RET: variants seen among roughly 807,000 people sequenced by gnomAD.
The protein encoded by RET is ret proto-oncogene, also known as proto-oncogene tyrosine-protein kinase receptor Ret.
RET carries 19 observed loss-of-function variants against 118.3 expected under a neutral mutation model. The observed-to-expected ratio is 0.16, with a 90% CI of 0.11 to 0.24. The LOEUF (loss-of-function observed/expected upper bound fraction) is 0.24. RET is among the 10% of genes least tolerant of loss of function. The pLI is 1.00. For synonymous variants in RET, 597 were observed against 644.1 expected, an observed-to-expected ratio of 0.93 and a Z score of 1.11; for missense variants, 1,219 against 1,502.1, an observed-to-expected ratio of 0.81 and a Z score of 3.12.
intron 8 of RET, among the ~76,000 whole-genome samples, chr10:43,112,513 C>G (rs1313249083): frequency 6.6e-6 from 1 of 152,196 alleles, no homozygotes; most frequent in East Asian, 1.9e-4. Context: ...CTGGGAGGTC[C>G]TCGGCCAGGG....
rs1003057639 is a variant in RET at position 43,128,256 on chromosome 10, C to T, written c.3332C>T (p.Thr1111Met). Residue 1111 changes from threonine (T) to methionine (M), a missense_variant, in exon 20 of 20, where the codon ACG becomes ATG. Thr to Met is a moderately conservative substitution (Grantham distance 81). Around this residue, in one of 5 missense-constraint regions of RET, gnomAD observed 174 missense variants for 179.3 expected, o/e 0.97. Transcript: ENST00000355710. ...CCCTCAGCGGCAAAATTAATGGACA[C>T]GTTTGATAGTTAACATTTCTTTGTG... ...LSPSAAKLMD[T>M]FDS The T allele has an allele frequency of 3.1e-6, 5 of 1,613,972 alleles. No individual in the cohort carries two copies. The highest frequency in any genetic ancestry group is 1.3e-5 in the African/African-American group (1 of 74,890).
chr10:43,100,337 T>C (rs2132654012), intron 1 of RET, 122 bp from the exon 2 acceptor site: 1 of 1,148,712 alleles, frequency 8.7e-7, no homozygotes, highest in Non-Finnish European at 1.3e-6. Context: ...GTTCATGTTC[T>C]CAGGAACAGA....
intron 3 of RET, among the ~76,000 whole-genome samples, chr10:43,103,119 C>T (rs1417448492): frequency 6.6e-6 from 1 of 152,130 alleles, no homozygotes; most frequent in African/African-American, 2.4e-5. Flanking sequence ...CACTGAGCGA[C>T]AGGGAAGAGC....
intron 1 of RET, among the ~76,000 whole-genome samples, chr10:43,082,850 G>A (rs1010560298): frequency 6.6e-6 from 1 of 152,246 alleles, no homozygotes; most frequent in African/African-American, 2.4e-5. Context: ...GGACGAGGGT[G>A]GGTGAGCTGG....
At chr10:43,085,398 C>T (rs1422151773) in intron 1 of RET, among the ~76,000 whole-genome samples, 1 of 152,226 alleles carries the variant, frequency 6.6e-6, no homozygotes, top group Non-Finnish European at 1.5e-5. Context: ...AGGCCTTTGT[C>T]TTCTTGCCTC....
intron 1 of RET, among the ~76,000 whole-genome samples, chr10:43,097,048 G>C (rs916691685): frequency 6.6e-6 from 1 of 152,192 alleles, no homozygotes; most frequent in African/African-American, 2.4e-5. Flanking sequence ...AATCCCTTTT[G>C]GCAGCAGGGA....
intron 1 of RET, among the ~76,000 whole-genome samples, chr10:43,088,949 C>G (rs1376672774): frequency 3.9e-5 from 6 of 152,238 alleles, no homozygotes; most frequent in Non-Finnish European, 5.9e-5. Flanking sequence ...TGGCTCTGCC[C>G]CCAGCCCTCC....
intron 1 of RET, among the ~76,000 whole-genome samples, chr10:43,097,552 C>T (rs1170301296): frequency 3.3e-5 from 5 of 152,114 alleles, no homozygotes; most frequent in Non-Finnish European, 7.4e-5. Flanking sequence ...GGGGGCTCAT[C>T]GGGGCCAGGG....
rs1588881974 is a variant in RET, at chr10:43,128,245, A to G, written c.3321A>G (p.Lys1107=). 1 of 1,614,170 alleles carries G rather than the reference A, an allele frequency of 6.2e-7. No homozygotes were observed. Among genetic ancestry groups the G allele is most frequent in the Non-Finnish European group, 8.5e-7 (1 of 1,180,042 alleles). ...ANWMLSPSAA[K]LMDTFDS is the part of the protein sequence containing the mutation. ...GGATGCTTTCACCCTCAGCGGCAAA[A>G]TTAATGGACACGTTTGATAGTTAAC... is the stretch of plus-strand genomic sequence containing the variant. Residue 1107 remains lysine (K), a synonymous_variant, in exon 20 of 20, where the codon AAA becomes AAG. Coordinates refer to ENST00000355710, the MANE Select transcript of RET (RefSeq NM_020975.6).
In RET at chr10:43,109,216, C is replaced by A; in HGVS notation, c.1249C>A (p.Arg417Ser). The A allele has an allele frequency of 6.2e-7, 1 of 1,613,152 alleles. No individual in the cohort carries two copies. The highest frequency in any genetic ancestry group is 8.5e-7 in the Non-Finnish European group (1 of 1,180,006). ...TYSLSVSRRA[R>S]RFAQIGKVCV... is the part of the protein sequence containing the mutation. ...CTCCCTCTCCGTGAGCAGGAGGGCT[C>A]GCCGATTTGCCCAGGTGAGCCCATA... Residue 417 changes from arginine (R) to serine (S), a missense_variant, in exon 6 of 20, where the codon CGC (arginine) becomes AGC (serine). Transcript: ENST00000355710.
intron 6 of RET, among the ~76,000 whole-genome samples, chr10:43,110,532 T>C (rs1837891083): frequency 6.6e-6 from 1 of 152,170 alleles, no homozygotes; most frequent in Non-Finnish European, 1.5e-5. Flanking sequence ...GCTGCCTGAC[T>C]CCAGGTCCTG....
rs557502842 is a variant in RET at position 43,094,604 on chromosome 10, G to A, written c.74-5855G>A. ...CTCACAGTGCCCCATCAGAGCTGCC[G>A]GGTGGTCGGCAGTGGGGGAGTGAGA... On this transcript the variant is annotated intron_variant, in intron 1 of 19. Transcript: ENST00000355710. Among the ~76,000 whole-genome samples the A allele has an allele frequency of 1.3e-4, 20 of 152,236 alleles. No homozygotes were observed. The Middle Eastern group carries it at 0.01, about 78-fold the overall frequency.
In RET at chr10:43,100,786, T is replaced by A. The variant is rs1837626226; in HGVS notation, c.337+64T>A. On this transcript the variant is annotated intron_variant, in intron 2 of 19. Coordinates refer to ENST00000355710, the MANE Select transcript of RET (RefSeq NM_020975.6). Reference sequence around the variant, plus strand: ...CCACCCCTTCCTCAAGCCGCCCTTATCACAGCCGCTGACACTGAAGCTTGG... The same window carrying A: ...CCACCCCTTCCTCAAGCCGCCCTTAACACAGCCGCTGACACTGAAGCTTGG... 6 of 1,499,714 alleles carry A rather than the reference T, an allele frequency of 4.0e-6. 1 individual carries two copies. In the South Asian group the frequency reaches 7.3e-5, roughly 18 times the overall value. 92.9% of individuals were successfully genotyped at this position (1,499,714 alleles called of 1,614,324 possible).
intron 1 of RET, among the ~76,000 whole-genome samples, chr10:43,079,839 A>G (rs1417764383): frequency 6.6e-6 from 1 of 152,162 alleles, no homozygotes; most frequent in Non-Finnish European, 1.5e-5. Flanking sequence ...AGCTCAGGCC[A>G]GGGGTACAGC....
In RET at chr10:43,126,626, G is replaced by T; in HGVS notation, c.3091G>T (p.Asp1031Tyr). 2 of 1,614,028 alleles carry T rather than the reference G, an allele frequency of 1.2e-6. No individual in the cohort carries two copies. The highest frequency in any genetic ancestry group is 1.7e-6 in the Non-Finnish European group (2 of 1,180,006). ...TCCATCTGACTCCCTGATTTATGAC[G>T]ACGGCCTCTCAGAGGAGGAGACACC... ...STPSDSLIYD[D>Y]GLSEEETPLV... The change falls in exon 19 of 20, where the codon GAC becomes TAC. Residue 1031 changes from aspartate (D) to tyrosine (Y), a missense_variant. Coordinates refer to ENST00000355710, the MANE Select transcript of RET (RefSeq NM_020975.6).
Position 43,130,199 on chromosome 10 carries a change from TTAAG to T in RET, c.*1933_*1936del. On this transcript the variant is annotated 3_prime_UTR_variant, in exon 20 of 20. Transcript: ENST00000355710. ...ACGTAAATGCAGAAGTTACTAAGTA[TTAAG>T]TATTACTGAGTATTAAGTAGTAATC... 5.1e-6 allele frequency: 2 copies of T among 395,710 alleles called. No individual in the cohort carries two copies. Among genetic ancestry groups the T allele is most frequent in the Non-Finnish European group, 8.9e-6 (2 of 224,808 alleles). The allele number at this position is 395,710 out of a possible 1,614,324, so 24.5% of individuals were successfully genotyped here. A position where few individuals can be genotyped will look rare whatever the true frequency, so the allele number is the denominator to read the frequency against.
chr10:43,118,338 C>T (rs754347564), intron 12 of RET, 35 bp from the exon 13 acceptor site: 25 of 1,551,298 alleles, frequency 1.6e-5, no homozygotes, highest in East Asian at 1.4e-4. Context: ...CTTCCAGGAG[C>T]GATCGTTTGC....
Position 43,077,164 on chromosome 10 carries a change from G to C in RET, c.-95G>C, listed in dbSNP as rs1001790437. The C allele has an allele frequency of 7.5e-7, 1 of 1,336,380 alleles. No homozygotes were observed. Among genetic ancestry groups the C allele is most frequent in the Non-Finnish European group, 9.6e-7 (1 of 1,045,324 alleles). 82.8% of individuals were successfully genotyped at this position (1,336,380 alleles called of 1,614,324 possible). On this transcript the variant is annotated 5_prime_UTR_variant, in exon 1 of 20. Coordinates refer to ENST00000355710, the MANE Select transcript of RET (RefSeq NM_020975.6). Reference sequence around the variant, plus strand: ...CGTCGCGTCCGCCGCGCCCCGGGCGGGGATGGGGCGGCCAGACTGAGCGCC... The same window carrying C: ...CGTCGCGTCCGCCGCGCCCCGGGCGCGGATGGGGCGGCCAGACTGAGCGCC...
intron 16 of RET, 103 bp downstream of exon 16, chr10:43,122,119 A>C: frequency 3.3e-6 from 3 of 902,336 alleles, no homozygotes; most frequent in East Asian, 2.4e-5. Context: ...AGGGAATTGC[A>C]CTGGCCCTGA....
Sources: gnomAD v4.1 joint callset for allele counts (sites outside exome capture counted in the v4.1 genomes callset) on GRCh38, gnomAD v4.1.1 for gene constraint, gnomAD v4.1.1 regional missense constraint, MANE v1.5 for transcripts, NCBI Gene and HGNC (gene_info 2026-07-23, HGNC 2026-07-21) for gene names.